The following MYO15B variants were observed in gnomAD, a reference collection of about 807,000 sequenced individuals.
MYO15B encodes myosin XVB pseudogene.
In MYO15B, 207 loss-of-function variants were observed where a neutral mutation model predicts 119.3. The ratio of observed to expected loss-of-function variants is 1.73; its 90% CI spans 1.55 to 1.95. MYO15B has a LOEUF of 1.95. MYO15B is among the 30% of genes most tolerant of loss of function. The pLI is 0.00. For missense variants in MYO15B, 2,264 were observed against 1,203.1 expected (o/e 1.88, Z -13.04); for synonymous variants, 966 against 498.9 (o/e 1.94, Z -12.48).
intron 13 of MYO15B, 104 bp from the exon 14 acceptor site, chr17:75,596,664 C>T (rs1043379029): frequency 5.9e-6 from 4 of 676,506 alleles, no homozygotes; most frequent in South Asian, 4.7e-5. Flanking sequence ...TGGAAGGCCC[C>T]TTTCCATGAG....
intron 14 of MYO15B, 134 bp from the exon 15 acceptor site, chr17:75,601,304 G>A: frequency 8.5e-6 from 5 of 587,306 alleles, no homozygotes; most frequent in South Asian, 2.0e-5. Flanking sequence ...CTCCCAAAGC[G>A]CTTGTTTTGG....
chr17:75,613,310 C>A (rs186428386), exon 28 of MYO15B: 142 of 670,658 alleles, frequency 2.1e-4, no homozygotes, highest in African/African-American at 1.5e-3. Flanking sequence ...TCTGACCAGG[C>A]CCCCAGGGGC....
chr17:75,607,788 G>A (rs958250767), intron 21 of MYO15B, among the ~76,000 whole-genome samples: 8 of 151,882 alleles, frequency 5.3e-5, no homozygotes, highest in Non-Finnish European at 7.4e-5. Flanking sequence ...AAATCTTTGG[G>A]GTATAGGCCA....
At chr17:75,623,021 A>G (rs758097990) in intron 53 of MYO15B, among the ~76,000 whole-genome samples, 1 of 151,276 alleles carries the variant, frequency 6.6e-6, no homozygotes, top group Non-Finnish European at 1.5e-5. Context: ...TGGAGCCAGC[A>G]GAGATGAGTA....
In MYO15B at chr17:75,619,861, T is replaced by C. The variant is rs1425704813; in HGVS notation, c.7302-18T>C. On this transcript the variant is annotated intron_variant, in intron 46 of 63. Coordinates refer to ENST00000645453, the Ensembl canonical transcript of MYO15B. ...CAGGTGGCAAGGTGACCTCAGTTCATGCCCGATCCCTGCGCAGCTTTGCGG... is the reference window on the plus strand; with the variant it reads ...CAGGTGGCAAGGTGACCTCAGTTCACGCCCGATCCCTGCGCAGCTTTGCGG... The C allele has an allele frequency of 1.0e-5, 7 of 702,192 alleles. No individual in the cohort carries two copies. Among genetic ancestry groups the C allele is most frequent in the Middle Eastern group, 2.3e-4 (1 of 4,392 alleles). The allele number at this position is 702,192 out of a possible 1,614,324, so 43.5% of individuals were successfully genotyped here. A position where few individuals can be genotyped will look rare whatever the true frequency, so the allele number is the denominator to read the frequency against.
At chr17:75,592,482 T>G (rs1256090470) in exon 8 of MYO15B, 1 of 609,522 alleles carries the variant, frequency 1.6e-6, no homozygotes, top group Non-Finnish European at 2.9e-6. Context: ...AGGGCTGGAC[T>G]CCATAGAGCG....
rs1221263121 is a variant in MYO15B at position 75,588,077 on chromosome 17, AAGCGCCCC to A, written c.27_34del (p.Gln10GlyfsTer114). The A allele has an allele frequency of 2.5e-6, 1 of 398,210 alleles. No individual in the cohort carries two copies. The highest frequency in any genetic ancestry group is 3.6e-5 in the East Asian group (1 of 28,078). The allele number at this position is 398,210 out of a possible 1,614,324, so 24.7% of individuals were successfully genotyped here. The stretch of plus-strand genomic sequence containing the variant: ...CCAGCCATGGGCAGGAACCAGCGCA[AAGCGCCCC>A]AGCGCCTGGAGAGGCCCGGGAGGCC... On this transcript the variant is annotated frameshift_variant, in exon 1 of 64. Coordinates refer to ENST00000645453, the Ensembl canonical transcript of MYO15B. LOFTEE classifies it high-confidence loss of function.
At chr17:75,625,740 G>T in intron 61 of MYO15B, 80 bp downstream of exon 61, 2 of 701,164 alleles carry the variant, frequency 2.9e-6, no homozygotes, top group South Asian at 3.0e-5. Flanking sequence ...GCGAGGAGGG[G>T]TCTGCGCCTG....
chr17:75,597,976 G>A (rs1487642217), intron 14 of MYO15B, among the ~76,000 whole-genome samples: 2 of 152,036 alleles, frequency 1.3e-5, no homozygotes, highest in Non-Finnish European at 2.9e-5. Flanking sequence ...AATCACCCCT[G>A]TGCGGCTCCG....
At chr17:75,605,189 G>C (rs1442998379) in intron 19 of MYO15B, among the ~76,000 whole-genome samples, 1 of 151,782 alleles carries the variant, frequency 6.6e-6, no homozygotes, top group Non-Finnish European at 1.5e-5. Flanking sequence ...TGTAATCCCA[G>C]CACTTTGGGA....
exon 10 of MYO15B, chr17:75,594,564 G>A (rs540016003): frequency 3.4e-5 from 22 of 654,442 alleles, no homozygotes; most frequent in African/African-American, 3.0e-4. Context: ...AGTGCCTGGA[G>A]GGGGCTGTCA....
At chr17:75,614,986 G>A in exon 33 of MYO15B, 1 of 703,074 alleles carries the variant, frequency 1.4e-6, no homozygotes, top group South Asian at 1.5e-5. Context: ...TGGGCTCTGA[G>A]CAGCCGCATG....
rs533274601 is a variant in MYO15B, at chr17:75,590,002, C to A, written c.1945C>A (p.Leu649Ile). The change falls in exon 1 of 64, where the codon CTT becomes ATT. Residue 649 changes from leucine to isoleucine, a missense_variant. Transcript: ENST00000645453. Reference sequence around the variant, plus strand: ...CTCAGGCCCCCACGAGGGTCCTAGGCTTGGCGCCGCCGTGCTGCTACCCCG... The same window carrying A: ...CTCAGGCCCCCACGAGGGTCCTAGGATTGGCGCCGCCGTGCTGCTACCCCG... The A allele has an allele frequency of 1.6e-4, 65 of 398,816 alleles. 1 individual carries two copies. In the South Asian group the frequency reaches 8.0e-3, roughly 49 times the overall value. The allele number at this position is 398,816 out of a possible 1,614,324, so 24.7% of individuals were successfully genotyped here. A position where few individuals can be genotyped will look rare whatever the true frequency, so the allele number is the denominator to read the frequency against.
intron 18 of MYO15B, 34 bp from the exon 19 acceptor site, chr17:75,603,154 T>G: frequency 1.4e-6 from 1 of 702,994 alleles, no homozygotes; most frequent in East Asian, 2.7e-5. Context: ...GCCCCTTGAC[T>G]CCAGCTGTCT....
chr17:75,591,848 C>G (rs1278282424), intron 5 of MYO15B, 129 bp from the exon 6 acceptor site: 7 of 669,920 alleles, frequency 1.0e-5, no homozygotes, highest in Non-Finnish European at 1.9e-5. Flanking sequence ...TCTGGCGTCT[C>G]CTGGGGTCAG....
At chr17:75,626,554 C>T (rs1352926943) in exon 64 of MYO15B, 3 of 700,020 alleles carry the variant, frequency 4.3e-6, no homozygotes, top group Non-Finnish European at 7.8e-6. Context: ...CATGGTCTGC[C>T]TTGGATGCTA....
intron 14 of MYO15B, among the ~76,000 whole-genome samples, chr17:75,598,266 C>CAAAA (rs67823231): frequency 2.9e-5 from 4 of 140,240 alleles, no homozygotes; most frequent in East Asian, 2.1e-4. Flanking sequence ...GACTCCGTCT[C>CAAAA]AAAAAAAAGA....
chr17:75,614,515 A>T, intron 30 of MYO15B, 68 bp from the exon 31 acceptor site: 1 of 683,800 alleles, frequency 1.5e-6, no homozygotes, highest in Non-Finnish European at 2.7e-6. Context: ...AGCAGCTTCT[A>T]CCTCTTGCCC....
In MYO15B at chr17:75,589,039, C is replaced by T. The variant is rs1220747500; in HGVS notation, c.982C>T (p.Pro328Ser). 2.3e-5 allele frequency: 9 copies of T among 396,910 alleles called. No homozygotes were observed. Among genetic ancestry groups the T allele is most frequent in the African/African-American group, 4.1e-5 (2 of 48,544 alleles). The allele number at this position is 396,910 out of a possible 1,614,324, so 24.6% of individuals were successfully genotyped here. A position where few individuals can be genotyped will look rare whatever the true frequency, so the allele number is the denominator to read the frequency against. ...AGCGGGAGCCGCAGCAGGAGCGGGG[C>T]CGGAGGACCCAGCCCCGCTGGCGGC... Residue 328 changes from proline to serine, a missense_variant, in exon 1 of 64, where the codon CCG becomes TCG. Physicochemically the swap from Pro to Ser is moderately conservative, Grantham distance 74. Transcript: ENST00000645453. The surrounding 1 kb of genome is among the most constrained non-coding windows in gnomAD (Gnocchi z 4.2).
Sources: gnomAD v4.1 joint callset for allele counts (sites outside exome capture counted in the v4.1 genomes callset) on GRCh38, gnomAD v4.1.1 for gene constraint, Gnocchi (gnomAD v3.1) non-coding constraint, MANE v1.5 for transcripts, NCBI Gene and HGNC (gene_info 2026-07-23, HGNC 2026-07-21) for gene names.